The following PLXNA4 variants were observed in gnomAD, a reference collection of about 807,000 sequenced individuals.
The protein encoded by PLXNA4 is plexin-A4.
A neutral mutation model predicts 191.8 loss-of-function variants in PLXNA4; 44 were observed. The ratio of observed to expected loss-of-function variants is 0.23; its 90% CI spans 0.18 to 0.29. The LOEUF is 0.29. Ranked by LOEUF, PLXNA4 falls within the 10% of genes least tolerant of loss-of-function variation. The probability of loss-of-function intolerance (pLI) is 1.00; values close to 1 mark genes in which losing one functional copy is unlikely to be tolerated. For missense variants in PLXNA4, 1,800 were observed against 2,488.8 expected (o/e 0.72, Z 5.89); for synonymous variants, 1,082 against 1,009.5 (o/e 1.07, Z -1.36).
chr7:132,341,196 C>T (rs1318996078), intron 3 of PLXNA4, among the ~76,000 whole-genome samples: 1 of 152,182 alleles, frequency 6.6e-6, no homozygotes, highest in African/African-American at 2.4e-5. Context: ...TACTTACTAA[C>T]ACTGAACAAG....
intron 1 of PLXNA4, among the ~76,000 whole-genome samples, chr7:132,551,814 C>T (rs1346296520): frequency 2.0e-5 from 3 of 152,174 alleles, no homozygotes; most frequent in Non-Finnish European, 4.4e-5. Flanking sequence ...CACCAGACAT[C>T]GATGTTAAAT....
chr7:132,568,038 G>C (rs1801813539), intron 1 of PLXNA4, among the ~76,000 whole-genome samples: 1 of 152,110 alleles, frequency 6.6e-6, no homozygotes, highest in Non-Finnish European at 1.5e-5. Context: ...ATGACCATTA[G>C]TCCTCTCCCC....
At chr7:132,178,851 C>CACAA (rs1181198597) in intron 20 of PLXNA4, among the ~76,000 whole-genome samples, 1 of 57,608 alleles carries the variant, frequency 1.7e-5, no homozygotes, top group African/African-American at 6.0e-5. Flanking sequence ...TATATACACA[C>CACAA]ACACACACAC....
At chr7:132,424,522 C>G (rs1363510352) in intron 3 of PLXNA4, among the ~76,000 whole-genome samples, 1 of 152,208 alleles carries the variant, frequency 6.6e-6, no homozygotes, top group Non-Finnish European at 1.5e-5. Flanking sequence ...GTCAGGAGGT[C>G]AGTAGAACCC....
In PLXNA4 at chr7:132,214,933, G is replaced by A. The variant is rs114005573; in HGVS notation, c.2098-3790C>T. On this transcript the variant is annotated intron_variant, in intron 9 of 31. Coordinates refer to ENST00000321063, the MANE Select transcript of PLXNA4 (RefSeq NM_020911.2). ...TTCCATAAACTAACACATATAAAGC[G>A]TCTGGTCCGGGGTGAGTGGACATTC... is the stretch of plus-strand genomic sequence containing the variant. Among the ~76,000 whole-genome samples, 1,289 of 152,206 alleles carry A rather than the reference G, an allele frequency of 8.5e-3. 21 individuals carry two copies. The highest frequency in any genetic ancestry group is 0.03 in the African/African-American group (1,226 of 41,516).
chr7:132,609,111 A>G (rs1453752010), intron 2 of PLXNA4, among the ~76,000 whole-genome samples: 1 of 152,118 alleles, frequency 6.6e-6, no homozygotes, highest in African/African-American at 2.4e-5. Flanking sequence ...CCTCCGTCCC[A>G]TTCCCAGTGG....
intron 3 of PLXNA4, among the ~76,000 whole-genome samples, chr7:132,483,160 C>T (rs1448896270): frequency 6.6e-6 from 1 of 152,222 alleles, no homozygotes; most frequent in East Asian, 1.9e-4. Flanking sequence ...AACATCAACT[C>T]ATGGGCTGTG....
chr7:132,623,147 G>A (rs970399615), intron 2 of PLXNA4, among the ~76,000 whole-genome samples: 35 of 151,932 alleles, frequency 2.3e-4, no homozygotes, highest in Admixed American at 1.8e-3. Flanking sequence ...GAGTTCAGCC[G>A]TGCCCAACAT....
intron 4 of PLXNA4, among the ~76,000 whole-genome samples, chr7:132,242,359 G>A (rs1798910042): frequency 6.6e-6 from 1 of 152,152 alleles, no homozygotes; most frequent in Non-Finnish European, 1.5e-5. Flanking sequence ...AAATGCAGAG[G>A]CAGTGTTTCC....
At position 132,134,192 on chromosome 7, in the gene PLXNA4, C is replaced by T. The variant is rs117366128; in HGVS notation, c.5439-993G>A. Among the ~76,000 whole-genome samples the T allele has an allele frequency of 3.0e-3, 459 of 152,206 alleles. 4 individuals carry two copies. Among genetic ancestry groups the T allele is most frequent in the Middle Eastern group, 6.8e-3 (2 of 294 alleles). ...GCAAGTATTGGTGACAATGACAGAC[C>T]CTGGGAGTTCTCAGAACTTGAATCT... On this transcript the variant is annotated intron_variant, in intron 30 of 31. Transcript: ENST00000321063.
In PLXNA4 at chr7:132,507,864, G is replaced by A. The variant is rs1166398691; in HGVS notation, c.830C>T (p.Thr277Ile). 1.9e-6 allele frequency: 3 copies of A among 1,614,198 alleles called. No individual in the cohort carries two copies. The highest frequency in any genetic ancestry group is 1.7e-5 in the Admixed American group (1 of 60,026). ...CTTGCAAAGCCTCACGAGCTTGGAT[G>A]TATACACCTGCTCCTTGGTGGTGGA... ...PGSTTKEQVY[T>I]SKLVRLCKED... Residue 277 changes from threonine (T) to isoleucine (I), a missense_variant, in exon 2 of 32, where the codon ACA (threonine) becomes ATA (isoleucine). Transcript: ENST00000321063.
intron 2 of PLXNA4, among the ~76,000 whole-genome samples, chr7:132,595,046 T>C (rs11769493): frequency 0.14 from 21,003 of 148,718 alleles, 1,826 homozygotes; most frequent in East Asian, 0.27. Flanking sequence ...GACAGACAGA[T>C]AGATAGAGAG....
intron 1 of PLXNA4, among the ~76,000 whole-genome samples, chr7:132,568,305 T>C (rs12539629): frequency 0.038 from 5,811 of 152,252 alleles, 258 homozygotes; most frequent in African/African-American, 0.1. Context: ...TGTTGCTTAG[T>C]AAGCCCCAAA....
At chr7:132,331,478 A>G (rs984431436) in intron 3 of PLXNA4, among the ~76,000 whole-genome samples, 3 of 152,234 alleles carry the variant, frequency 2.0e-5, no homozygotes, top group Admixed American at 1.3e-4. Context: ...GACCTGGGGC[A>G]TCAGGTCTGA....
Position 132,634,931 on chromosome 7 carries a change from A to G in PLXNA4, c.-87+10997T>C, listed in dbSNP as rs548455305. The stretch of plus-strand genomic sequence containing the variant: ...CCCACCCTTAATCTGGGTGTGCACC[A>G]TCTAATCAGCTGCCAGTGTGGTTAG... On this transcript the variant is annotated intron_variant, in intron 2 of 4. Transcript: ENST00000378539. Among the ~76,000 whole-genome samples, 5 of 152,272 alleles carry G rather than the reference A, an allele frequency of 3.3e-5. 1 individual carries two copies. The highest frequency in any genetic ancestry group is 2.0e-4 in the Admixed American group (3 of 15,300).
At chr7:132,493,530 T>C (rs1234815387) in intron 2 of PLXNA4, among the ~76,000 whole-genome samples, 3 of 152,276 alleles carry the variant, frequency 2.0e-5, no homozygotes, top group African/African-American at 7.2e-5. Context: ...TTTCACTGGC[T>C]CAAATGTCCT....
intron 2 of PLXNA4, among the ~76,000 whole-genome samples, chr7:132,639,157 A>G (rs2116888706): frequency 6.6e-6 from 1 of 152,310 alleles, no homozygotes; most frequent in Non-Finnish European, 1.5e-5. Context: ...GGCCCAGAAT[A>G]GCTTCTCTGT....
At chr7:132,456,790 A>T (rs114104001) in intron 3 of PLXNA4, among the ~76,000 whole-genome samples, 2,415 of 152,064 alleles carry the variant, frequency 0.016, 75 homozygotes, top group African/African-American at 0.055. Flanking sequence ...ATGCCCAAAG[A>T]CCACCCTCAG....
chr7:132,346,763 T>C (rs572144972), intron 3 of PLXNA4, among the ~76,000 whole-genome samples: 1 of 152,344 alleles, frequency 6.6e-6, no homozygotes, highest in East Asian at 1.9e-4. Flanking sequence ...TTCTGGAGAA[T>C]TTACACATAC....
Sources: gnomAD v4.1 joint callset for allele counts (sites outside exome capture counted in the v4.1 genomes callset) on GRCh38, gnomAD v4.1.1 for gene constraint, MANE v1.5 for transcripts, NCBI Gene and HGNC (gene_info 2026-07-23, HGNC 2026-07-21) for gene names.